Variants in TENM3 observed in about 807,000 individuals in gnomAD.
TENM3 encodes the protein teneurin-3.
A neutral mutation model predicts 255.1 loss-of-function variants in TENM3; 63 were observed. The ratio of observed to expected loss-of-function variants is 0.25; its 90% CI spans 0.20 to 0.30. The LOEUF is 0.30. Ranked by LOEUF, TENM3 falls within the 10% of genes least tolerant of loss-of-function variation. The pLI is 1.00. For synonymous variants in TENM3, 1,306 were observed against 1,322.3 expected, an observed-to-expected ratio of 0.99 and a Z score of 0.27; for missense variants, 2,929 against 3,461.1, an observed-to-expected ratio of 0.85 and a Z score of 3.86.
chr4:181,609,621 T>C, the TENM3 span, among the ~76,000 whole-genome samples: 1 of 152,252 alleles, frequency 6.6e-6, no homozygotes, highest in Non-Finnish European at 1.5e-5. Context: ...CCCAGCCTTT[T>C]ATATGAATGA....
At chr4:181,928,089 G>C in the TENM3 span, among the ~76,000 whole-genome samples, 3 of 152,084 alleles carry the variant, frequency 2.0e-5, no homozygotes, top group Non-Finnish European at 4.4e-5. Context: ...GTATAAAAAG[G>C]CTGAAAATTC....
the TENM3 span, among the ~76,000 whole-genome samples, chr4:181,722,245 G>A: frequency 3.1e-4 from 47 of 152,250 alleles, no homozygotes; most frequent in South Asian, 8.9e-3. Context: ...AGAAGAAAGA[G>A]GTCACTGGTG....
intron 3 of TENM3, among the ~76,000 whole-genome samples, chr4:182,519,479 C>T (rs1738338624): frequency 1.3e-5 from 2 of 152,154 alleles, no homozygotes; most frequent in African/African-American, 4.8e-5. Flanking sequence ...TTCTTTCCCT[C>T]TCCACAGTTT....
the TENM3 span, among the ~76,000 whole-genome samples, chr4:182,026,196 G>A: frequency 1.3e-5 from 2 of 152,244 alleles, no homozygotes; most frequent in Admixed American, 6.5e-5. Flanking sequence ...GTGTATATGT[G>A]CCACATTTTC....
chr4:182,115,054 G>T, the TENM3 span, among the ~76,000 whole-genome samples: 2 of 152,194 alleles, frequency 1.3e-5, no homozygotes, highest in East Asian at 3.9e-4. Flanking sequence ...GGTGTCGGGT[G>T]CCTGTAATCC....
chr4:181,978,665 G>T, the TENM3 span, among the ~76,000 whole-genome samples: 7 of 140,618 alleles, frequency 5.0e-5, no homozygotes, highest in East Asian at 1.3e-3. Flanking sequence ...AAAAAGAAAA[G>T]AAAAGAAAAA....
intron 2 of TENM3, among the ~76,000 whole-genome samples, chr4:182,327,637 A>C (rs1470235568): frequency 6.6e-6 from 1 of 152,148 alleles, no homozygotes; most frequent in East Asian, 1.9e-4. Context: ...ATTTGACGGG[A>C]TCTCACATTG....
the TENM3 span, among the ~76,000 whole-genome samples, chr4:181,844,937 T>C: frequency 2.0e-5 from 3 of 152,228 alleles, no homozygotes; most frequent in African/African-American, 7.2e-5. Context: ...AACTGCATAG[T>C]GTTCCATTAG....
chr4:181,654,366 A>C, the TENM3 span, among the ~76,000 whole-genome samples: 2 of 152,284 alleles, frequency 1.3e-5, no homozygotes, highest in Admixed American at 1.3e-4. Flanking sequence ...TAATTGGAGG[A>C]AAAGAATATT....
chr4:182,484,574 T>A (rs1734519678), intron 3 of TENM3, among the ~76,000 whole-genome samples: 1 of 152,204 alleles, frequency 6.6e-6, no homozygotes, highest in Admixed American at 6.5e-5. Context: ...AATGATTGTG[T>A]GCCTACCTAT....
At chr4:182,252,144 CT>C (rs1758056121) in intron 1 of TENM3, among the ~76,000 whole-genome samples, 2 of 151,722 alleles carry the variant, frequency 1.3e-5, no homozygotes, top group African/African-American at 2.4e-5. Flanking sequence ...GATTACGCCA[CT>C]GCACTCCAGC....
intron 1 of TENM3, among the ~76,000 whole-genome samples, chr4:182,223,978 G>A (rs1276424785): frequency 7.2e-5 from 11 of 152,102 alleles, no homozygotes; most frequent in Admixed American, 5.9e-4. Context: ...TGGTGAAAAC[G>A]TCCTTCCAAG....
At chr4:182,687,486 A>AC (rs145388391) in intron 11 of TENM3, among the ~76,000 whole-genome samples, 14,670 of 152,190 alleles carry the variant, frequency 0.096, 1,038 homozygotes, top group African/African-American at 0.2. Flanking sequence ...GAATTGAAAA[A>AC]CCTTGTTTTT....
At chr4:181,678,584 A>G in the TENM3 span, among the ~76,000 whole-genome samples, 1 of 152,178 alleles carries the variant, frequency 6.6e-6, no homozygotes, top group Non-Finnish European at 1.5e-5. Context: ...GAAAATAGAT[A>G]GGCATAACTT....
the TENM3 span, among the ~76,000 whole-genome samples, chr4:182,137,499 T>G: frequency 1.3e-5 from 2 of 152,230 alleles, no homozygotes; most frequent in African/African-American, 4.8e-5. Flanking sequence ...CAGGGTTGGA[T>G]TCATTGGTGA....
chr4:181,805,943 G>A, the TENM3 span, among the ~76,000 whole-genome samples: 1 of 151,990 alleles, frequency 6.6e-6, no homozygotes, highest in African/African-American at 2.4e-5. Context: ...GTAAAATAAG[G>A]GTATTCCACC....
chr4:182,031,280 A>G, the TENM3 span, among the ~76,000 whole-genome samples: 1 of 152,206 alleles, frequency 6.6e-6, no homozygotes, highest in Non-Finnish European at 1.5e-5. Context: ...ATGGCTAGGC[A>G]GTTCTCTCAG....
At chr4:182,375,637 G>A (rs916515975) in intron 3 of TENM3, among the ~76,000 whole-genome samples, 1 of 152,106 alleles carries the variant, frequency 6.6e-6, no homozygotes, top group Non-Finnish European at 1.5e-5. Flanking sequence ...CACCTCCCAG[G>A]TTCTAGCAGT....
chr4:182,095,221 C>G, the TENM3 span, among the ~76,000 whole-genome samples: 1 of 152,198 alleles, frequency 6.6e-6, no homozygotes, highest in Non-Finnish European at 1.5e-5. Context: ...GAGATAACTG[C>G]ACTCCCATGT....
Sources: allele counts gnomAD v4.1 joint callset (sites outside exome capture counted in the v4.1 genomes callset), GRCh38; gene constraint gnomAD v4.1.1; transcripts MANE v1.5; gene names NCBI Gene and HGNC (gene_info 2026-07-23, HGNC 2026-07-21).